The following TOP6BL variants were observed in gnomAD, a reference collection of about 807,000 sequenced individuals.
TOP6BL encodes TOP6B like initiator of meiotic double strand breaks.
At chr11:66,784,669 G>A in the TOP6BL span, among the ~76,000 whole-genome samples, 36 of 152,288 alleles carry the variant, frequency 2.4e-4, no homozygotes, top group East Asian at 4.6e-3. Flanking sequence ...GGTTCTTTAA[G>A]CATTATATTT....
chr11:66,758,482 T>G, the TOP6BL span: 1 of 152,040 alleles, frequency 6.6e-6, no homozygotes, highest in Non-Finnish European at 1.5e-5. Flanking sequence ...TGGATAATTT[T>G]TTGTATTTTT....
chr11:66,792,348 A>T, the TOP6BL span, among the ~76,000 whole-genome samples: 4 of 152,140 alleles, frequency 2.6e-5, no homozygotes, highest in African/African-American at 9.7e-5. Flanking sequence ...TAATTCTGAG[A>T]TTGTCTTATT....
At chr11:66,805,063 G>A in the TOP6BL span, among the ~76,000 whole-genome samples, 2 of 150,774 alleles carry the variant, frequency 1.3e-5, no homozygotes, top group South Asian at 2.1e-4. Context: ...GTGAGATTCC[G>A]TCTCAAAAAA....
At chr11:66,754,599 A>C in the TOP6BL span, among the ~76,000 whole-genome samples, 1 of 152,178 alleles carries the variant, frequency 6.6e-6, no homozygotes, top group Non-Finnish European at 1.5e-5. Context: ...TGGGCTTTTA[A>C]CTGGGGAACT....
the TOP6BL span, among the ~76,000 whole-genome samples, chr11:66,768,352 C>G: frequency 6.6e-6 from 1 of 151,962 alleles, no homozygotes; most frequent in Admixed American, 6.6e-5. Context: ...CAGAATTTAT[C>G]TAACGCTTTT....
chr11:66,821,103 A>G, the TOP6BL span, among the ~76,000 whole-genome samples: 1 of 152,158 alleles, frequency 6.6e-6, no homozygotes, highest in African/African-American at 2.4e-5. Context: ...GAACATTTCT[A>G]AAGAACTCGG....
chr11:66,824,488 C>T, the TOP6BL span, among the ~76,000 whole-genome samples: 7 of 149,758 alleles, frequency 4.7e-5, no homozygotes, highest in Admixed American at 1.3e-4. Context: ...GGTACATGTA[C>T]ACAACATGCA....
the TOP6BL span, among the ~76,000 whole-genome samples, chr11:66,794,324 T>C: frequency 3.9e-5 from 6 of 152,004 alleles, no homozygotes; most frequent in Admixed American, 3.9e-4. Flanking sequence ...TCTTCTTTCA[T>C]TTTTTTGGAG....
the TOP6BL span, among the ~76,000 whole-genome samples, chr11:66,814,807 A>G: frequency 1.2e-4 from 18 of 152,360 alleles, no homozygotes; most frequent in Admixed American, 3.9e-4. Flanking sequence ...ATACAAATGC[A>G]AGATGTAATA....
the TOP6BL span, among the ~76,000 whole-genome samples, chr11:66,755,241 C>T: frequency 6.6e-6 from 1 of 152,084 alleles, no homozygotes; most frequent in South Asian, 2.1e-4. Context: ...CTGCCTCAGC[C>T]TCCTGAGTAG....
the TOP6BL span, chr11:66,801,039 A>G: frequency 6.2e-7 from 1 of 1,613,878 alleles, no homozygotes; most frequent in Non-Finnish European, 8.5e-7. Context: ...AGGGTGGAGA[A>G]TGAACCCACT....
chr11:66,815,310 T>C, the TOP6BL span, among the ~76,000 whole-genome samples: 6 of 152,188 alleles, frequency 3.9e-5, no homozygotes, highest in Non-Finnish European at 8.8e-5. Context: ...AAATGTCCTC[T>C]CATCTCCCTC....
the TOP6BL span, among the ~76,000 whole-genome samples, chr11:66,754,951 C>T: frequency 2.5e-4 from 38 of 152,112 alleles, no homozygotes; most frequent in Non-Finnish European, 4.9e-4. Flanking sequence ...CTTAATTTAT[C>T]TTCTACCTCA....
chr11:66,798,786 A>AT, the TOP6BL span, among the ~76,000 whole-genome samples: 1 of 151,636 alleles, frequency 6.6e-6, no homozygotes, highest in Non-Finnish European at 1.5e-5. Flanking sequence ...TAAAGAATGT[A>AT]TTTTTTGGCC....
the TOP6BL span, chr11:66,843,259 C>T: frequency 6.2e-7 from 1 of 1,605,928 alleles, no homozygotes; most frequent in Non-Finnish European, 8.5e-7. Context: ...CGCAAGCGCC[C>T]ACCGATCCGG....
chr11:66,839,510 A>G, the TOP6BL span, among the ~76,000 whole-genome samples: 2 of 152,154 alleles, frequency 1.3e-5, no homozygotes. Flanking sequence ...GTCAGCACCT[A>G]TGCTTGGTTG....
the TOP6BL span, among the ~76,000 whole-genome samples, chr11:66,752,677 T>C: frequency 6.6e-6 from 1 of 152,024 alleles, no homozygotes; most frequent in African/African-American, 2.4e-5. Context: ...GGTCTCGAAC[T>C]CCTGACCTCA....
the TOP6BL span, among the ~76,000 whole-genome samples, chr11:66,787,719 C>CA: frequency 0.035 from 3,074 of 87,140 alleles, 104 homozygotes; most frequent in African/African-American, 0.11. Flanking sequence ...GACTCCGACT[C>CA]AAAAAAAAAA....
chr11:66,765,651 G>A, the TOP6BL span, among the ~76,000 whole-genome samples: 2 of 152,156 alleles, frequency 1.3e-5, no homozygotes, highest in Non-Finnish European at 2.9e-5. Context: ...AAGTAGCTGG[G>A]ATTACAAGCG....
Sources: gnomAD v4.1 joint callset for allele counts (sites outside exome capture counted in the v4.1 genomes callset) on GRCh38, gnomAD v4.1.1 for gene constraint, MANE v1.5 for transcripts, NCBI Gene and HGNC (gene_info 2026-07-23, HGNC 2026-07-21) for gene names.